The following EFCAB3 variants were observed in gnomAD, a reference collection of about 807,000 sequenced individuals.
EFCAB3 encodes the protein EF-hand calcium-binding domain-containing protein 3.
Under a neutral mutation model 42.2 loss-of-function variants are expected in EFCAB3, and 36 were observed. The ratio of observed to expected loss-of-function variants is 0.85; its 90% CI spans 0.65 to 1.13. EFCAB3 has a LOEUF of 1.13. Among genes scored for constraint, EFCAB3 ranks in the 50% most tolerant of loss-of-function variants. The pLI is 0.00. For missense variants in EFCAB3, 418 were observed against 505.1 expected (o/e 0.83, Z 1.65); for synonymous variants, 170 against 172.8 (o/e 0.98, Z 0.13).
At chr17:62,409,622 A>C (rs2070477294) in intron 8 of EFCAB3, among the ~76,000 whole-genome samples, 1 of 151,760 alleles carries the variant, frequency 6.6e-6, no homozygotes, top group Non-Finnish European at 1.5e-5. Flanking sequence ...TATTCAAATA[A>C]AATCACAACC....
chr17:62,370,969 A>C (rs2070110454), intron 1 of EFCAB3, among the ~76,000 whole-genome samples: 1 of 151,914 alleles, frequency 6.6e-6, no homozygotes, highest in Non-Finnish European at 1.5e-5. Context: ...GCACATGCCT[A>C]TAGTCCTAGC....
intron 4 of EFCAB3, among the ~76,000 whole-genome samples, chr17:62,392,903 C>A (rs1022152166): frequency 2.0e-5 from 3 of 152,210 alleles, no homozygotes; most frequent in African/African-American, 7.2e-5. Flanking sequence ...TCCTAAAGTG[C>A]TGGGATTACA....
At chr17:62,403,981 T>C (rs2070426908) in intron 6 of EFCAB3, among the ~76,000 whole-genome samples, 1 of 152,168 alleles carries the variant, frequency 6.6e-6, no homozygotes, top group Non-Finnish European at 1.5e-5. Context: ...TCTCACACCC[T>C]AGATTACATT....
intron 1 of EFCAB3, among the ~76,000 whole-genome samples, chr17:62,372,754 T>C (rs2070123051): frequency 6.6e-6 from 1 of 152,180 alleles, no homozygotes; most frequent in Admixed American, 6.5e-5. Context: ...TACATAGCAA[T>C]GGTCAGAAAC....
upstream of EFCAB3, chr17:62,378,067 C>T: frequency 6.9e-7 from 1 of 1,442,094 alleles, no homozygotes; most frequent in African/African-American, 1.4e-5. Context: ...GGGCTTAATA[C>T]TTTGACTTAC....
At chr17:62,398,972 T>C (rs1362692881) in intron 6 of EFCAB3, among the ~76,000 whole-genome samples, 1 of 151,980 alleles carries the variant, frequency 6.6e-6, no homozygotes, top group Non-Finnish European at 1.5e-5. Flanking sequence ...CATACATCAG[T>C]TTTTCCCTGG....
chr17:62,405,935 T>C (rs1468128139), intron 6 of EFCAB3, among the ~76,000 whole-genome samples: 1 of 152,214 alleles, frequency 6.6e-6, no homozygotes, highest in East Asian at 1.9e-4. Context: ...TTCTCTGCAA[T>C]GAGAATTTCT....
chr17:62,377,094 T>C (rs2070156933), upstream of EFCAB3, among the ~76,000 whole-genome samples: 1 of 152,154 alleles, frequency 6.6e-6, no homozygotes, highest in Non-Finnish European at 1.5e-5. Flanking sequence ...GAAAAGCTGC[T>C]TCATAGGTGT....
chr17:62,405,818 C>CA (rs373282169), intron 6 of EFCAB3, among the ~76,000 whole-genome samples: 1 of 151,770 alleles, frequency 6.6e-6, no homozygotes, highest in African/African-American at 2.4e-5. Flanking sequence ...ACATACGCTC[C>CA]AAAAAAAATG....
At chr17:62,398,757 AAT>A (rs1452932053) in intron 6 of EFCAB3, among the ~76,000 whole-genome samples, 1 of 152,124 alleles carries the variant, frequency 6.6e-6, no homozygotes, top group Non-Finnish European at 1.5e-5. Context: ...AGAAGTCAGA[AAT>A]ATGTGGATAT....
Position 62,389,848 on chromosome 17 carries a change from G to A in EFCAB3, c.152-1974G>A, listed in dbSNP as rs531453517. Among the ~76,000 whole-genome samples the A allele has an allele frequency of 8.6e-5, 13 of 152,000 alleles. No homozygotes were observed. In the South Asian group the frequency reaches 2.7e-3, roughly 32 times the overall value. ...TATTTATTTTTTTCTGTGCAGTGGT[G>A]CCATCTCGGCTCACTGCAAGCTCCG... On this transcript the variant is annotated intron_variant, in intron 3 of 9. Transcript: ENST00000305286.
rs2070260715 is a variant in EFCAB3 at position 62,387,337 on chromosome 17, C to T, written c.75-3C>T. ...ATCTAAATATTTTCACATCTTTCCT[C>T]AGGGATAGAGACTTACCAGGATCTC... On this transcript the variant is annotated splice_polypyrimidine_tract_variant and splice_region_variant and intron_variant, in intron 2 of 9. Coordinates refer to ENST00000305286, the MANE Select transcript of EFCAB3 (RefSeq NM_173503.4). The T allele has an allele frequency of 1.9e-6, 3 of 1,606,058 alleles. No homozygotes were observed. The highest frequency in any genetic ancestry group is 2.6e-6 in the Non-Finnish European group (3 of 1,175,442).
At chr17:62,404,309 C>G (rs1335367395) in intron 6 of EFCAB3, among the ~76,000 whole-genome samples, 3 of 152,196 alleles carry the variant, frequency 2.0e-5, no homozygotes, top group Non-Finnish European at 4.4e-5. Context: ...CAAGACCTGC[C>G]TGGGCAATGT....
intron 8 of EFCAB3, among the ~76,000 whole-genome samples, chr17:62,413,234 GA>G (rs1330511470): frequency 1.3e-5 from 2 of 152,030 alleles, no homozygotes; most frequent in Admixed American, 1.3e-4. Flanking sequence ...AAATTCATAA[GA>G]AAAAAATAAC....
At chr17:62,410,908 C>A (rs2070489605) in intron 8 of EFCAB3, among the ~76,000 whole-genome samples, 1 of 152,074 alleles carries the variant, frequency 6.6e-6, no homozygotes, top group Admixed American at 6.6e-5. Context: ...CAGTCCATAG[C>A]CAAGCTTGGT....
rs147526896 is a variant in EFCAB3 at position 62,386,736 on chromosome 17, T to C, written c.75-604T>C. Among the ~76,000 whole-genome samples, 1,061 of 152,334 alleles carry C rather than the reference T, an allele frequency of 7.0e-3. 8 individuals are homozygous for C. The highest frequency in any genetic ancestry group is 0.012 in the Non-Finnish European group (812 of 68,030). The stretch of plus-strand genomic sequence containing the variant: ...AACCTGAGACAAATTATTTAATTGC[T>C]CTGAGCTTCTGTTTCTTATTTTGTA... On this transcript the variant is annotated intron_variant, in intron 2 of 9. Transcript: ENST00000305286.
intron 2 of EFCAB3, among the ~76,000 whole-genome samples, chr17:62,386,666 A>T (rs2070254252): frequency 6.6e-6 from 1 of 152,248 alleles, no homozygotes; most frequent in Admixed American, 6.5e-5. Flanking sequence ...TTGGAGTCAG[A>T]CAAATCTGGG....
At chr17:62,388,160 G>A (rs536505919) in intron 3 of EFCAB3, among the ~76,000 whole-genome samples, 99 of 152,102 alleles carry the variant, frequency 6.5e-4, no homozygotes, top group African/African-American at 2.0e-3. Context: ...GCAGTAAGCC[G>A]AGATCGCGCC....
intron 9 of EFCAB3, among the ~76,000 whole-genome samples, chr17:62,414,498 C>A (rs118052090): frequency 6.8e-4 from 104 of 152,242 alleles, no homozygotes; most frequent in Non-Finnish European, 1.2e-3. Context: ...ACAAACTCAA[C>A]ATGTCCAAAA....
Sources: allele counts gnomAD v4.1 joint callset (sites outside exome capture counted in the v4.1 genomes callset), GRCh38; gene constraint gnomAD v4.1.1; transcripts MANE v1.5; gene names NCBI Gene and HGNC (gene_info 2026-07-23, HGNC 2026-07-21).